ENOX2: variants seen among roughly 807,000 people sequenced by gnomAD.
ENOX2 encodes the protein ecto-NOX disulfide-thiol exchanger 2.
ENOX2 carries 36 observed loss-of-function variants against 45.0 expected under a neutral mutation model. The observed-to-expected ratio is 0.80, with a 90% confidence interval of 0.61 to 1.06. ENOX2 has a LOEUF of 1.06. Ranked by LOEUF, ENOX2 falls within the 50% of genes least tolerant of loss-of-function variation. ENOX2 has a pLI of 0.00. For missense variants in ENOX2, 423 were observed against 462.5 expected, an observed-to-expected ratio of 0.91 and a Z score of 0.78; for synonymous variants, 174 against 152.3, an observed-to-expected ratio of 1.14 and a Z score of -1.05.
chrX:130,662,680 TA>T lies in ENOX2; in HGVS notation c.1014+2962del, dbSNP rs771521377. ...GCTATCAAGTAAAAGTTTGCAGAGG[TA>T]AAAAAAAACAAGGACAAAAATAAAA... is the stretch of plus-strand genomic sequence containing the variant. On this transcript the variant is annotated intron_variant, in intron 9 of 14. Coordinates refer to ENST00000394363, the MANE Select transcript of ENOX2 (RefSeq NM_006375.4). Among the ~76,000 whole-genome samples the T allele has an allele frequency of 6.5e-3, 711 of 108,709 alleles. 8 individuals carry two copies. Among genetic ancestry groups the T allele is most frequent in the African/African-American group, 0.023 (674 of 29,855 alleles). The allele number at this position is 108,709 out of a possible 115,157, so 94.4% of individuals were successfully genotyped here.
intron 2 of ENOX2, among the ~76,000 whole-genome samples, chrX:130,795,378 TG>T (rs745700772): frequency 1.8e-5 from 2 of 111,776 alleles, no homozygotes; most frequent in Non-Finnish European, 3.8e-5. Flanking sequence ...CACTAATCTG[TG>T]TCTGAAACAA....
intron 2 of ENOX2, among the ~76,000 whole-genome samples, chrX:130,822,067 CAAAAAAAAAAA>C (rs759582186): frequency 3.1e-4 from 6 of 19,131 alleles, no homozygotes; most frequent in African/African-American, 9.9e-4. Context: ...GACTCCGTCT[CAAAAAAAAAAA>C]AAAAAAAAAA....
intron 2 of ENOX2, among the ~76,000 whole-genome samples, chrX:130,900,202 ATAT>A (rs1262632780): frequency 8.9e-6 from 1 of 112,731 alleles, no homozygotes; most frequent in Admixed American, 9.3e-5. Context: ...GATTTTTACC[ATAT>A]TCACACACAA....
intron 2 of ENOX2, among the ~76,000 whole-genome samples, chrX:130,821,711 AAAAT>A (rs1197022560): frequency 3.7e-4 from 35 of 94,337 alleles, no homozygotes; most frequent in Non-Finnish European, 5.2e-4. Context: ...AATTAAAAAA[AAAAT>A]AAATAAATAA....
chrX:130,776,092 G>A (rs2039850021), intron 3 of ENOX2, among the ~76,000 whole-genome samples: 1 of 111,353 alleles, frequency 9.0e-6, no homozygotes, highest in African/African-American at 3.3e-5. Context: ...GACCTTACAG[G>A]TCCCAAGGAC....
intron 12 of ENOX2, among the ~76,000 whole-genome samples, chrX:130,633,011 T>G (rs1165476100): frequency 8.9e-6 from 1 of 112,184 alleles, no homozygotes; most frequent in African/African-American, 3.2e-5. Flanking sequence ...TTCTGGGAAG[T>G]TTTAGCCATC....
chrX:130,628,097 C>G, intron 13 of ENOX2, 54 bp from the exon 14 acceptor site: 1 of 859,867 alleles, frequency 1.2e-6, no homozygotes, highest in South Asian at 2.1e-5. Flanking sequence ...TCTCGAGGTT[C>G]CACATGACAG....
At chrX:130,719,740 G>C (rs1333083804) in intron 3 of ENOX2, among the ~76,000 whole-genome samples, 1 of 112,242 alleles carries the variant, frequency 8.9e-6, no homozygotes, top group Non-Finnish European at 1.9e-5. Context: ...ATGCAATACA[G>C]TGGGAATGAG....
chrX:130,814,628 A>G (rs2077450374), intron 2 of ENOX2, among the ~76,000 whole-genome samples: 1 of 111,751 alleles, frequency 8.9e-6, no homozygotes, highest in African/African-American at 3.3e-5. Context: ...CCTCCAGCAA[A>G]CTCCAGCAGA....
chrX:130,779,329 A>G (rs1212551843), intron 3 of ENOX2, among the ~76,000 whole-genome samples: 4 of 112,424 alleles, frequency 3.6e-5, no homozygotes, highest in African/African-American at 1.3e-4. Flanking sequence ...GCTACAAAGC[A>G]ACCAGATCCA....
rs60689771 is a variant in ENOX2 at position 130,760,678 on chromosome X, C to T, written c.-39+22869G>A. Among the ~76,000 whole-genome samples the T allele has an allele frequency of 4.0e-3, 409 of 103,168 alleles. 3 individuals are homozygous for T. Among genetic ancestry groups the T allele is most frequent in the African/African-American group, 0.014 (391 of 28,285 alleles). The allele number at this position is 103,168 out of a possible 115,157, so 89.6% of individuals were successfully genotyped here. On this transcript the variant is annotated intron_variant, in intron 3 of 14. Transcript: ENST00000394363. ...GTGGGTGCCTGTAGTCCCAGCTACT[C>T]GGGAGCCTGAGGTGGAAGAATAGCT...
At chrX:130,711,857 C>T (rs116249869) in intron 3 of ENOX2, among the ~76,000 whole-genome samples, 2,356 of 111,579 alleles carry the variant, frequency 0.021, 60 homozygotes, top group African/African-American at 0.071. Context: ...AGCCACAGAG[C>T]CAGGCCAGCC....
At chrX:130,802,514 C>T (rs1359212046) in intron 2 of ENOX2, among the ~76,000 whole-genome samples, 1 of 112,103 alleles carries the variant, frequency 8.9e-6, no homozygotes, top group Non-Finnish European at 1.9e-5. Context: ...GCTTCACATC[C>T]ACCTCACAGC....
At chrX:130,831,638 A>G (rs2077831028) in intron 2 of ENOX2, among the ~76,000 whole-genome samples, 1 of 111,598 alleles carries the variant, frequency 9.0e-6, no homozygotes, top group Admixed American at 9.5e-5. Context: ...TCACTTTCTC[A>G]TAGAAACCTT....
chrX:130,652,364 C>T (rs1163537081), intron 10 of ENOX2, among the ~76,000 whole-genome samples: 5 of 111,790 alleles, frequency 4.5e-5, no homozygotes, highest in Non-Finnish European at 9.4e-5. Context: ...ATTCTGTATC[C>T]AACCTTTTGC....
At chrX:130,819,416 C>T (rs1383975009) in intron 2 of ENOX2, among the ~76,000 whole-genome samples, 1 of 112,054 alleles carries the variant, frequency 8.9e-6, no homozygotes, top group Non-Finnish European at 1.9e-5. Flanking sequence ...ATATAAAACA[C>T]ACGCACACGT....
chrX:130,712,378 A>AAGT (rs1319315823), intron 3 of ENOX2, among the ~76,000 whole-genome samples: 1 of 111,550 alleles, frequency 9.0e-6, no homozygotes, highest in Non-Finnish European at 1.9e-5. Context: ...CGCCAGGAAA[A>AAGT]AGTAGTTTCC....
chrX:130,714,282 G>C (rs895861569), intron 3 of ENOX2, among the ~76,000 whole-genome samples: 6 of 112,190 alleles, frequency 5.3e-5, no homozygotes, highest in Non-Finnish European at 7.5e-5. Context: ...TGGAAGGCTA[G>C]TTTGAACTCT....
chrX:130,637,191 A>G (rs760378388), intron 11 of ENOX2, 38 bp downstream of exon 11: 1 of 1,143,978 alleles, frequency 8.7e-7, no homozygotes. Flanking sequence ...AGCTGATGCT[A>G]TTCTACCCAG....
Sources: allele counts gnomAD v4.1 joint callset (sites outside exome capture counted in the v4.1 genomes callset), GRCh38; gene constraint gnomAD v4.1.1; transcripts MANE v1.5; gene names NCBI Gene and HGNC (gene_info 2026-07-23, HGNC 2026-07-21).